ST3GAL5: variants seen among roughly 807,000 people sequenced by gnomAD.
ST3GAL5 encodes the protein ST3 beta-galactoside alpha-2,3-sialyltransferase 5, also known as lactosylceramide alpha-2,3-sialyltransferase.
Under a neutral mutation model 46.1 loss-of-function variants are expected in ST3GAL5, and 25 were observed. The observed-to-expected ratio is 0.54, with a 90% CI of 0.40 to 0.76. The LOEUF (loss-of-function observed/expected upper bound fraction) is 0.76, where lower values mean the gene tolerates loss of function less well. ST3GAL5 is among the 30% of genes least tolerant of loss of function. The pLI, the probability that ST3GAL5 is intolerant of heterozygous loss-of-function variation, is 0.00. For missense variants in ST3GAL5, 431 were observed against 521.2 expected (o/e 0.83, Z 1.69); for synonymous variants, 182 against 192.7 (o/e 0.94, Z 0.46).
intron 1 of ST3GAL5, among the ~76,000 whole-genome samples, chr2:85,883,470 CTT>C (rs1468558565): frequency 6.6e-6 from 1 of 152,176 alleles, no homozygotes; most frequent in East Asian, 1.9e-4. Context: ...TGGGGTATCT[CTT>C]TATCAGCAGT....
chr2:85,883,089 G>A (rs1035794174), intron 1 of ST3GAL5, among the ~76,000 whole-genome samples: 3 of 152,128 alleles, frequency 2.0e-5, no homozygotes, highest in African/African-American at 4.8e-5. Flanking sequence ...GAGAAGGCAC[G>A]ATTGGTTTTG....
intron 3 of ST3GAL5, among the ~76,000 whole-genome samples, chr2:85,851,863 G>A (rs763356539): frequency 6.6e-5 from 10 of 152,144 alleles, no homozygotes; most frequent in African/African-American, 2.2e-4. Context: ...AAGAACTCCC[G>A]TTCGTCTTAT....
rs756112768 is a variant in ST3GAL5 at position 85,848,431 on chromosome 2, A to AT, written c.319-228dup. On this transcript the variant is annotated intron_variant, in intron 3 of 6. Transcript: ENST00000638572. Reference sequence around the variant, plus strand: ...ATAAACACAGCAGGGTATTCATTTCATTGCACAGGCAAAGCAAGAAGGACT... The same window carrying AT: ...ATAAACACAGCAGGGTATTCATTTCATTTGCACAGGCAAAGCAAGAAGGACT... 2.8e-5 allele frequency: 42 copies of AT among 1,508,694 alleles called. No homozygotes were observed. In the South Asian group the frequency reaches 3.9e-4, roughly 14 times the overall value. The allele number at this position is 1,508,694 out of a possible 1,614,324, so 93.5% of individuals were successfully genotyped here. A position where few individuals can be genotyped will look rare whatever the true frequency, so the allele number is the denominator to read the frequency against.
At chr2:85,886,244 C>T (rs894818448) in intron 1 of ST3GAL5, among the ~76,000 whole-genome samples, 1 of 152,172 alleles carries the variant, frequency 6.6e-6, no homozygotes, top group Non-Finnish European at 1.5e-5. Context: ...CCAGCCTGGA[C>T]AACACAGTGG....
chr2:85,848,179 A>T lies in ST3GAL5; in HGVS notation c.344T>A (p.Val115Asp), dbSNP rs1370274550. 6.2e-7 allele frequency: 1 copy of T among 1,614,190 alleles called. No homozygotes were observed. The highest frequency in any genetic ancestry group is 1.1e-5 in the South Asian group (1 of 91,084). Reference sequence around the variant, plus strand: ...CTTGGGACGACATTCCTTCTGCAAGACTTGCTGAGCATATTTCTGAGCTCT... The same window carrying T: ...CTTGGGACGACATTCCTTCTGCAAGTCTTGCTGAGCATATTTCTGAGCTCT... Reference protein sequence around the residue: ...VKRAQKYAQQVLQKECRPKFA... With the variant: ...VKRAQKYAQQDLQKECRPKFA... The change falls in exon 4 of 7, where the codon GTC becomes GAC. Residue 115 changes from valine to aspartate, a missense_variant. Transcript: ENST00000638572.
chr2:85,870,209 T>G, intron 1 of ST3GAL5: 1 of 471,022 alleles, frequency 2.1e-6, no homozygotes, highest in South Asian at 1.5e-5. Context: ...AGAATGCAGA[T>G]TCCATGCAAG....
At chr2:85,848,373 A>C (rs1432272715) in intron 3 of ST3GAL5, 169 bp from the exon 4 acceptor site, 31 of 1,552,836 alleles carry the variant, frequency 2.0e-5, no homozygotes, top group Non-Finnish European at 2.6e-5. Flanking sequence ...AGAAACTTGA[A>C]GAAACAACCT....
chr2:85,844,580 T>C, intron 5 of ST3GAL5, 26 bp from the exon 6 acceptor site: 2 of 1,613,796 alleles, frequency 1.2e-6, no homozygotes, highest in Non-Finnish European at 8.5e-7. Flanking sequence ...AAGCAGTTGT[T>C]AGTCATCCTT....
intron 5 of ST3GAL5, chr2:85,844,772 C>T: frequency 1.6e-6 from 1 of 608,936 alleles, no homozygotes; most frequent in South Asian, 1.9e-5. Context: ...CGGCACTGGA[C>T]AAAGAGATGA....
chr2:85,871,861 A>G (rs530040677), intron 1 of ST3GAL5, among the ~76,000 whole-genome samples: 1 of 152,338 alleles, frequency 6.6e-6, no homozygotes, highest in South Asian at 2.1e-4. Flanking sequence ...ATAAACAAAA[A>G]TCTGAAGTTG....
At chr2:85,853,258 C>T in intron 3 of ST3GAL5, 1 of 362,802 alleles carries the variant, frequency 2.8e-6, no homozygotes, top group Admixed American at 3.8e-5. Context: ...TCAGAGCCCA[C>T]TGGTAGTCTT....
chr2:85,847,719 TG>T (rs1313682239), intron 4 of ST3GAL5, 141 bp downstream of exon 4: 2 of 1,354,152 alleles, frequency 1.5e-6, no homozygotes, highest in Non-Finnish European at 2.0e-6. Context: ...CTCCTGAGCC[TG>T]GGAAGTTGAG....
chr2:85,874,859 G>A (rs1028302083), intron 1 of ST3GAL5, among the ~76,000 whole-genome samples: 3 of 151,628 alleles, frequency 2.0e-5, no homozygotes, highest in Non-Finnish European at 4.4e-5. Context: ...AGACCACTGT[G>A]AAGACCAGAC....
intron 4 of ST3GAL5, 73 bp from the exon 5 acceptor site, chr2:85,846,636 C>A: frequency 1.4e-6 from 2 of 1,437,154 alleles, no homozygotes; most frequent in African/African-American, 1.4e-5. Context: ...CAGGCAGTAT[C>A]CATGTCATGT....
At position 85,858,914 on chromosome 2, in the gene ST3GAL5, G is replaced by T. The variant is rs138101889; in HGVS notation, c.318+2267C>A. 4.3e-3 allele frequency among the ~76,000 whole-genome samples: 651 copies of T among 152,248 alleles called. 4 individuals are homozygous for T. Among genetic ancestry groups the T allele is most frequent in the Non-Finnish European group, 7.8e-3 (534 of 68,028 alleles). On this transcript the variant is annotated intron_variant, in intron 3 of 6. Coordinates refer to ENST00000638572, the MANE Select transcript of ST3GAL5 (RefSeq NM_003896.4). ...TGAGTTTCTCCTCTGGTCATTCTTA[G>T]AAATCACTAGGATTCCTTAGGGGAG...
chr2:85,847,955 T>G lies in ST3GAL5; in HGVS notation c.568A>C (p.Lys190Gln). The G allele has an allele frequency of 1.2e-6, 2 of 1,614,172 alleles. No homozygotes were observed. The highest frequency in any genetic ancestry group is 2.7e-5 in the African/African-American group (2 of 75,038). ...EHDLPEHLKAKTCRRCVVIGS... is the reference protein window; with the variant it reads ...EHDLPEHLKAQTCRRCVVIGS... ...ATAACCACACAGCGCCGACAGGTCT[T>G]GGCTTTCAAGTGTTCAGGGAGGTCG... Residue 190 changes from lysine (K) to glutamine (Q), a missense_variant, in exon 4 of 7, where the codon AAG (lysine) becomes CAG (glutamine). Coordinates refer to ENST00000638572, the MANE Select transcript of ST3GAL5 (RefSeq NM_003896.4).
intron 1 of ST3GAL5, among the ~76,000 whole-genome samples, chr2:85,885,045 T>C (rs1255169365): frequency 6.6e-6 from 1 of 152,200 alleles, no homozygotes; most frequent in Non-Finnish European, 1.5e-5. Context: ...TCCAATAACT[T>C]AATCCTGAAC....
chr2:85,888,137 G>A (rs1298030088), intron 1 of ST3GAL5: 1 of 152,196 alleles, frequency 6.6e-6, no homozygotes, highest in African/African-American at 2.4e-5. Flanking sequence ...GAGCCCCACA[G>A]GGGGATCAGT....
At chr2:85,865,717 T>A (rs570932286) in intron 1 of ST3GAL5, 2 of 152,360 alleles carry the variant, frequency 1.3e-5, no homozygotes. Context: ...AGAACAAAGA[T>A]GACTGTGGTA....
Sources: allele counts gnomAD v4.1 joint callset (sites outside exome capture counted in the v4.1 genomes callset), GRCh38; gene constraint gnomAD v4.1.1; transcripts MANE v1.5; gene names NCBI Gene and HGNC (gene_info 2026-07-23, HGNC 2026-07-21).